Variants in EIF2B3 observed in about 807,000 individuals in gnomAD.
EIF2B3 encodes the protein eukaryotic translation initiation factor 2B subunit gamma.
In EIF2B3, 20 loss-of-function variants were observed where a neutral mutation model predicts 54.1. The ratio of observed to expected loss-of-function variants is 0.37; its 90% CI spans 0.26 to 0.54. The LOEUF is 0.54. EIF2B3 is among the 20% of genes least tolerant of loss of function. The pLI is 0.86. For synonymous variants in EIF2B3, 153 were observed against 188.1 expected, an observed-to-expected ratio of 0.81 and a Z score of 1.52; for missense variants, 448 against 547.8, an observed-to-expected ratio of 0.82 and a Z score of 1.82.
chr1:44,915,524 G>A (rs1643604059), intron 5 of EIF2B3, among the ~76,000 whole-genome samples: 1 of 151,658 alleles, frequency 6.6e-6, no homozygotes, highest in Non-Finnish European at 1.5e-5. Flanking sequence ...GCCATGCCCA[G>A]CGAATTAAAA....
intron 10 of EIF2B3, among the ~76,000 whole-genome samples, chr1:44,869,693 C>T (rs989588508): frequency 2.1e-5 from 3 of 142,962 alleles, no homozygotes; most frequent in African/African-American, 5.3e-5. Context: ...CTCTGCCTGC[C>T]GGGTTCAAGC....
chr1:44,880,728 C>T (rs978911875), intron 7 of EIF2B3, among the ~76,000 whole-genome samples: 4 of 152,026 alleles, frequency 2.6e-5, no homozygotes, highest in East Asian at 1.9e-4. Flanking sequence ...TTTGGGAGGC[C>T]GAGGCGGGTG....
chr1:44,877,181 A>C (rs1371733045), intron 8 of EIF2B3, among the ~76,000 whole-genome samples: 1 of 134,474 alleles, frequency 7.4e-6, no homozygotes, highest in Non-Finnish European at 1.6e-5. Flanking sequence ...GAAACACCCA[A>C]GAATGATCAA....
At chr1:44,884,489 T>C (rs912441874) in intron 6 of EIF2B3, among the ~76,000 whole-genome samples, 6 of 152,194 alleles carry the variant, frequency 3.9e-5, no homozygotes, top group African/African-American at 1.2e-4. Flanking sequence ...ACACAGTTCA[T>C]AGTTTCTGCA....
At chr1:44,865,743 C>T (rs1008964235) in intron 10 of EIF2B3, among the ~76,000 whole-genome samples, 5 of 151,912 alleles carry the variant, frequency 3.3e-5, no homozygotes, top group African/African-American at 1.2e-4. Context: ...CCACCACGCC[C>T]GAGTAATTTT....
intron 10 of EIF2B3, among the ~76,000 whole-genome samples, chr1:44,872,360 C>G (rs911648444): frequency 6.6e-6 from 1 of 152,010 alleles, no homozygotes; most frequent in African/African-American, 2.4e-5. Flanking sequence ...TCTAGAATAC[C>G]TCTGGCCAGG....
Position 44,941,596 on chromosome 1 carries a change from T to G in EIF2B3, c.364A>C (p.Arg122=). Residue 122 remains arginine (R), a synonymous_variant, in exon 4 of 12, where the codon AGA becomes CGA. Coordinates refer to ENST00000360403, the MANE Select transcript of EIF2B3 (RefSeq NM_020365.5). ...ATAGCAAGTGATGCATCATAAGCTC[T>G]AAACAGGTCCACAACCTCATGTAAG... ...VALHEVVDLF[R]AYDASLAMLM... The G allele has an allele frequency of 2.5e-6, 4 of 1,614,136 alleles. No individual in the cohort carries two copies. The highest frequency in any genetic ancestry group is 3.4e-6 in the Non-Finnish European group (4 of 1,180,020).
At chr1:44,910,839 T>G (rs1643499873) in intron 5 of EIF2B3, among the ~76,000 whole-genome samples, 1 of 151,970 alleles carries the variant, frequency 6.6e-6, no homozygotes, top group South Asian at 2.1e-4. Context: ...CTTTTCTCTC[T>G]CTCTTTCTTT....
chr1:44,914,155 T>C (rs1008205967), intron 5 of EIF2B3, among the ~76,000 whole-genome samples: 6 of 148,352 alleles, frequency 4.0e-5, no homozygotes, highest in African/African-American at 1.5e-4. Context: ...CTTTTTAAAT[T>C]GGGAATTTTT....
At chr1:44,884,193 A>C (rs910725581) in intron 6 of EIF2B3, among the ~76,000 whole-genome samples, 1 of 152,286 alleles carries the variant, frequency 6.6e-6, no homozygotes, top group Admixed American at 6.5e-5. Context: ...TCTCTTATTA[A>C]GGTAATTCTG....
intron 4 of EIF2B3, among the ~76,000 whole-genome samples, chr1:44,938,056 A>T (rs1030069362): frequency 3.3e-5 from 5 of 152,198 alleles, no homozygotes; most frequent in Admixed American, 3.3e-4. Context: ...AAACATCCAG[A>T]GATTAGCCAT....
intron 2 of EIF2B3, 55 bp from the exon 3 acceptor site, chr1:44,978,515 T>A: frequency 6.4e-7 from 1 of 1,570,480 alleles, no homozygotes; most frequent in Non-Finnish European, 8.7e-7. Context: ...ATATAGACAG[T>A]GGTTCCATTA....
intron 4 of EIF2B3, among the ~76,000 whole-genome samples, chr1:44,929,961 T>TG (rs1253961617): frequency 6.6e-6 from 1 of 152,238 alleles, no homozygotes; most frequent in Non-Finnish European, 1.5e-5. Context: ...AATTTCACTT[T>TG]GGGAGCAGAG....
At chr1:44,854,776 A>C (rs986519396) in intron 11 of EIF2B3, among the ~76,000 whole-genome samples, 7 of 151,568 alleles carry the variant, frequency 4.6e-5, no homozygotes, top group African/African-American at 1.7e-4. Context: ...TTTAGTAGAG[A>C]TGGGGTTTCT....
intron 10 of EIF2B3, among the ~76,000 whole-genome samples, chr1:44,865,216 TAAA>T (rs57763807): frequency 7.1e-6 from 1 of 140,102 alleles, no homozygotes. Context: ...GACTCCATCT[TAAA>T]AAAAAAAAAA....
At chr1:44,926,863 A>T in intron 4 of EIF2B3, 124 bp from the exon 5 acceptor site, 1 of 874,216 alleles carries the variant, frequency 1.1e-6, no homozygotes, top group Non-Finnish European at 1.8e-6. Flanking sequence ...GGGTGGGTGC[A>T]GTGGCTCACG....
rs375222304 is a variant in EIF2B3, at chr1:44,922,283, T to C, written c.566+4345A>G. 7.3e-5 allele frequency among the ~76,000 whole-genome samples: 11 copies of C among 151,264 alleles called. No homozygotes were observed. The East Asian group carries it at 7.8e-4, about 11-fold the overall frequency. ...AATGTCATTGGTATTTTGATAGGGA[T>C]TGCATAAAATCTATAGATTGCAGCC... On this transcript the variant is annotated intron_variant, in intron 5 of 11. Transcript: ENST00000360403.
At chr1:44,864,788 A>G (rs1343244980) in intron 10 of EIF2B3, among the ~76,000 whole-genome samples, 1 of 152,214 alleles carries the variant, frequency 6.6e-6, no homozygotes, top group Non-Finnish European at 1.5e-5. Context: ...AACTGGCTAT[A>G]GGATTCTTTT....
chr1:44,914,386 C>T (rs1364444882), intron 5 of EIF2B3, among the ~76,000 whole-genome samples: 1 of 152,106 alleles, frequency 6.6e-6, no homozygotes, highest in Non-Finnish European at 1.5e-5. Flanking sequence ...GTCTCAAATT[C>T]CTTACCTCAG....
Sources: allele counts gnomAD v4.1 joint callset (sites outside exome capture counted in the v4.1 genomes callset), GRCh38; gene constraint gnomAD v4.1.1; transcripts MANE v1.5; gene names NCBI Gene and HGNC (gene_info 2026-07-23, HGNC 2026-07-21).